The following PLCH1 variants were observed in gnomAD, a reference collection of about 807,000 sequenced individuals.
The protein encoded by PLCH1 is 1-phosphatidylinositol 4,5-bisphosphate phosphodiesterase eta-1.
In PLCH1, 60 loss-of-function variants were observed where a neutral mutation model predicts 126.7. That is an observed-to-expected ratio of 0.47 (90% confidence interval 0.38 to 0.59). The LOEUF is 0.59. Ranked by LOEUF, PLCH1 falls within the 20% of genes least tolerant of loss-of-function variation. The probability of loss-of-function intolerance (pLI) is 0.00; values close to 1 mark genes in which losing one functional copy is unlikely to be tolerated. For missense variants in PLCH1, 1,723 were observed against 2,040.0 expected (o/e 0.84, Z 2.99); for synonymous variants, 719 against 734.9 (o/e 0.98, Z 0.35).
intron 2 of PLCH1, among the ~76,000 whole-genome samples, chr3:155,618,348 G>A (rs1736039350): frequency 6.6e-6 from 1 of 152,060 alleles, no homozygotes; most frequent in Non-Finnish European, 1.5e-5. Flanking sequence ...CAATAGAATT[G>A]CTACTACCTC....
chr3:155,570,790 C>A (rs1201043009), intron 6 of PLCH1, among the ~76,000 whole-genome samples: 2 of 152,102 alleles, frequency 1.3e-5, no homozygotes, highest in Admixed American at 6.5e-5. Context: ...GGGCATTTTT[C>A]TTTATTTCTA....
chr3:155,607,986 A>C (rs1177857267), intron 2 of PLCH1, among the ~76,000 whole-genome samples: 1 of 152,166 alleles, frequency 6.6e-6, no homozygotes, highest in African/African-American at 2.4e-5. Context: ...TGAGTTCCCA[A>C]AGTATAAGAG....
chr3:155,595,985 T>C (rs1732931195), intron 3 of PLCH1, among the ~76,000 whole-genome samples: 1 of 151,924 alleles, frequency 6.6e-6, no homozygotes, highest in South Asian at 2.1e-4. Context: ...TAAATATATA[T>C]ATATATATAT....
Position 155,564,939 on chromosome 3 carries a change from G to C in PLCH1, c.1045C>G (p.Gln349Glu). The part of the protein sequence containing the change: ...SKVDMYARVL[Q>E]EGCRCVEVDC... ...CCTTCCACACAGCGACAGCCCTCTT[G>C]CAGCACCCGTGCATACATATCCACT... Residue 349 changes from glutamine to glutamate, a missense_variant, in exon 8 of 23, where the codon CAA becomes GAA. This residue lies in a region of PLCH1 where 776 missense variants were observed against 1,062.9 expected (regional missense o/e 0.73). Coordinates refer to ENST00000460012, the MANE Select transcript of PLCH1 (RefSeq NM_014996.4). The C allele has an allele frequency of 6.2e-7, 1 of 1,613,674 alleles. No homozygotes were observed. Among genetic ancestry groups the C allele is most frequent in the East Asian group, 2.2e-5 (1 of 44,870 alleles).
chr3:155,708,697 G>C (rs1197562140), intron 1 of PLCH1, among the ~76,000 whole-genome samples: 1 of 152,140 alleles, frequency 6.6e-6, no homozygotes, highest in Non-Finnish European at 1.5e-5. Context: ...CAATATTCAG[G>C]CAAGGATGGT....
In PLCH1 at chr3:155,743,764, A is replaced by G. The variant is rs1296498388; in HGVS notation, c.-41+1076T>C. The G allele has an allele frequency of 1.5e-5, 5 of 326,794 alleles. 1 individual carries two copies. Among genetic ancestry groups the G allele is most frequent in the Non-Finnish European group, 2.9e-5 (5 of 169,684 alleles). The allele number at this position is 326,794 out of a possible 1,614,324, so 20.2% of individuals were successfully genotyped here. A position where few individuals can be genotyped will look rare whatever the true frequency, so the allele number is the denominator to read the frequency against. On this transcript the variant is annotated intron_variant, in intron 1 of 22. Coordinates refer to ENST00000460012, the MANE Select transcript of PLCH1 (RefSeq NM_014996.4). ...TCATAAACATGCCAATAAACAGGAC[A>G]TGGGTGCTGCTGGGTTGTACAAGCT... is the stretch of plus-strand genomic sequence containing the variant.
chr3:155,540,032 T>A (rs201170305), intron 10 of PLCH1, among the ~76,000 whole-genome samples: 1 of 136,352 alleles, frequency 7.3e-6, no homozygotes, highest in African/African-American at 2.7e-5. Flanking sequence ...TACTGGTATA[T>A]AAAAATAGGC....
At chr3:155,598,963 G>A (rs886083816) in intron 2 of PLCH1, among the ~76,000 whole-genome samples, 1 of 151,610 alleles carries the variant, frequency 6.6e-6, no homozygotes, top group Non-Finnish European at 1.5e-5. Flanking sequence ...TGCAAGTGGG[G>A]CCCCATGATC....
chr3:155,490,558 T>C (rs1716028722), intron 19 of PLCH1, among the ~76,000 whole-genome samples: 1 of 152,176 alleles, frequency 6.6e-6, no homozygotes, highest in Admixed American at 6.5e-5. Context: ...AAAAATTTCC[T>C]TTAAAAGCAA....
intron 7 of PLCH1, among the ~76,000 whole-genome samples, chr3:155,566,103 A>G (rs1464075817): frequency 2.5e-5 from 2 of 80,298 alleles, no homozygotes; most frequent in Non-Finnish European, 6.3e-5. Context: ...ATAACCTAAT[A>G]TATATATACA....
intron 17 of PLCH1, among the ~76,000 whole-genome samples, 181 bp from the exon 18 acceptor site, chr3:155,493,034 T>G (rs1247168238): frequency 1.3e-5 from 2 of 152,084 alleles, no homozygotes; most frequent in Non-Finnish European, 2.9e-5. Flanking sequence ...GCCAGTGGAG[T>G]GGGCCAACTT....
chr3:155,497,109 T>C (rs938385884), intron 15 of PLCH1, among the ~76,000 whole-genome samples: 1 of 152,178 alleles, frequency 6.6e-6, no homozygotes, highest in African/African-American at 2.4e-5. Context: ...TTCTCTGGCC[T>C]CTGGTCAATC....
At chr3:155,684,037 C>G (rs77763379) in intron 2 of PLCH1, among the ~76,000 whole-genome samples, 33 of 152,250 alleles carry the variant, frequency 2.2e-4, no homozygotes, top group Non-Finnish European at 4.1e-4. Context: ...TTTTATCATG[C>G]CTTAATCTGC....
chr3:155,701,013 C>T (rs1260783343), intron 2 of PLCH1, among the ~76,000 whole-genome samples: 1 of 152,186 alleles, frequency 6.6e-6, no homozygotes, highest in Admixed American at 6.5e-5. Context: ...AGGCAAAAGA[C>T]AGACAAGAGG....
chr3:155,677,831 T>C (rs181818558), intron 2 of PLCH1, among the ~76,000 whole-genome samples: 35 of 152,310 alleles, frequency 2.3e-4, no homozygotes, highest in African/African-American at 8.2e-4. Flanking sequence ...CCCCAAAATG[T>C]GACATATCTG....
chr3:155,566,386 T>C (rs556826822), intron 7 of PLCH1, among the ~76,000 whole-genome samples: 6 of 147,618 alleles, frequency 4.1e-5, no homozygotes, highest in African/African-American at 1.5e-4. Flanking sequence ...TGTGTGTATA[T>C]ATATGTTGAC....
chr3:155,711,823 A>G (rs1367319419), intron 1 of PLCH1, among the ~76,000 whole-genome samples: 1 of 152,088 alleles, frequency 6.6e-6, no homozygotes, highest in African/African-American at 2.4e-5. Context: ...CTTGGGGGAA[A>G]AAAAACTTCC....
chr3:155,605,057 G>C (rs1208107975), intron 2 of PLCH1, among the ~76,000 whole-genome samples: 2 of 152,314 alleles, frequency 1.3e-5, no homozygotes, highest in Middle Eastern at 3.4e-3. Context: ...AGACTGGTCA[G>C]TTATAAACTT....
At chr3:155,472,015 G>A (rs1713280757) in intron 21 of PLCH1, among the ~76,000 whole-genome samples, 1 of 152,130 alleles carries the variant, frequency 6.6e-6, no homozygotes. Flanking sequence ...ACAATTAAAA[G>A]AACTAGAAAA....
Sources: allele counts gnomAD v4.1 joint callset (sites outside exome capture counted in the v4.1 genomes callset), GRCh38; gene constraint gnomAD v4.1.1; regional missense constraint gnomAD v4.1.1; transcripts MANE v1.5; gene names NCBI Gene and HGNC (gene_info 2026-07-23, HGNC 2026-07-21).